The following ASB3 variants were observed in gnomAD, a reference collection of about 807,000 sequenced individuals.
ASB3 encodes ankyrin repeat and SOCS box protein 3.
Under a neutral mutation model 54.5 loss-of-function variants are expected in ASB3, and 41 were observed. The observed-to-expected ratio is 0.75, with a 90% CI of 0.59 to 0.98. The LOEUF (loss-of-function observed/expected upper bound fraction) is 0.98, where lower values mean the gene tolerates loss of function less well. Ranked by LOEUF, ASB3 falls within the 50% of genes least tolerant of loss-of-function variation. The pLI, the probability that ASB3 is intolerant of heterozygous loss-of-function variation, is 0.00. For missense variants in ASB3, 733 were observed against 620.0 expected (o/e 1.18, Z -1.94); for synonymous variants, 266 against 221.2 (o/e 1.20, Z -1.80).
intron 9 of ASB3, among the ~76,000 whole-genome samples, chr2:53,686,388 C>G (rs992874486): frequency 1.3e-5 from 2 of 152,196 alleles, no homozygotes; most frequent in East Asian, 1.9e-4. Flanking sequence ...CCAACACCCT[C>G]CTCAGAGCCA....
intron 1 of ASB3, among the ~76,000 whole-genome samples, chr2:53,781,764 G>A (rs1264833901): frequency 2.0e-5 from 3 of 151,846 alleles, no homozygotes; most frequent in African/African-American, 7.3e-5. Context: ...CAAAGTGCTG[G>A]GATTACAGGC....
At chr2:53,758,492 T>A in intron 2 of ASB3, among the ~76,000 whole-genome samples, 1 of 152,178 alleles carries the variant, frequency 6.6e-6, no homozygotes, top group African/African-American at 2.4e-5. Context: ...TGGGAACGCA[T>A]CTTGATGGGG....
intron 1 of ASB3, among the ~76,000 whole-genome samples, chr2:53,769,725 A>G (rs1673759787): frequency 6.6e-6 from 1 of 152,198 alleles, no homozygotes; most frequent in African/African-American, 2.4e-5. Context: ...GCACGCCAGT[A>G]GAGTCCCAGC....
chr2:53,754,175 G>T (rs1672686347), intron 2 of ASB3, among the ~76,000 whole-genome samples: 1 of 152,156 alleles, frequency 6.6e-6, no homozygotes, highest in African/African-American at 2.4e-5. Context: ...AAATTACATT[G>T]TATTGGATTG....
rs527873576 is a variant in ASB3, at chr2:53,716,818, A to G, written c.605-75T>C. The G allele has an allele frequency of 4.7e-6, 7 of 1,478,920 alleles. No individual in the cohort carries two copies. The East Asian group carries it at 7.0e-5, about 15-fold the overall frequency. The allele number at this position is 1,478,920 out of a possible 1,614,324, so 91.6% of individuals were successfully genotyped here. On this transcript the variant is annotated intron_variant, in intron 5 of 9. Coordinates refer to ENST00000263634, the MANE Select transcript of ASB3 (RefSeq NM_016115.5). ...AATCAACACAAATTTCAAAGGAACT[A>G]CCATAAAAGGGTTTCGTAGCACGGT...
rs763842126 is a variant in ASB3 at position 53,693,938 on chromosome 2, C to T, written c.1315G>A (p.Glu439Lys). ...GAGGCACGAGCAGAGAGCATCCTTT[C>T]AACAGCTGGTGCAAGTGTCTTCCAA... ...TNWKTLAPAVERMLSARASNA... is the reference protein window; with the variant it reads ...TNWKTLAPAVKRMLSARASNA... The change falls in exon 9 of 10, where the codon GAA becomes AAA. Residue 439 changes from glutamate to lysine, a missense_variant. Glu to Lys is a moderately conservative substitution (Grantham distance 56). Coordinates refer to ENST00000263634, the MANE Select transcript of ASB3 (RefSeq NM_016115.5). The T allele has an allele frequency of 2.4e-5, 39 of 1,613,526 alleles. No homozygotes were observed. Among genetic ancestry groups the T allele is most frequent in the Admixed American group, 1.7e-4 (10 of 59,970 alleles).
chr2:53,688,227 A>C (rs1668734015), intron 9 of ASB3, among the ~76,000 whole-genome samples: 1 of 152,200 alleles, frequency 6.6e-6, no homozygotes, highest in Non-Finnish European at 1.5e-5. Context: ...ATAAACCCGA[A>C]AAACCAGTGT....
chr2:53,707,126 T>C (rs1669823088), intron 7 of ASB3, among the ~76,000 whole-genome samples: 1 of 152,212 alleles, frequency 6.6e-6, no homozygotes, highest in African/African-American at 2.4e-5. Flanking sequence ...TCTGTGATGA[T>C]GTGCTATTCG....
chr2:53,748,649 TCAGA>T (rs1672355926), intron 3 of ASB3, among the ~76,000 whole-genome samples: 1 of 151,984 alleles, frequency 6.6e-6, no homozygotes, highest in Non-Finnish European at 1.5e-5. Context: ...GGAAGAAACA[TCAGA>T]CAAACCCAAA....
intron 3 of ASB3, among the ~76,000 whole-genome samples, chr2:53,735,150 C>A (rs1671550280): frequency 6.6e-6 from 1 of 152,038 alleles, no homozygotes; most frequent in South Asian, 2.1e-4. Context: ...AAACTCCTGA[C>A]CTCCAGTGAC....
intron 2 of ASB3, among the ~76,000 whole-genome samples, chr2:53,758,062 T>C (rs928366214): frequency 1.3e-5 from 2 of 152,044 alleles, no homozygotes; most frequent in Admixed American, 1.3e-4. Context: ...ATAGAAGTAG[T>C]AAAGAAAAAA....
rs772430568 is a variant in ASB3 at position 53,767,879 on chromosome 2, G to A, written c.-13-2294C>T. On this transcript the variant is annotated intron_variant, in intron 1 of 9. Coordinates refer to ENST00000263634, the MANE Select transcript of ASB3 (RefSeq NM_016115.5). Reference sequence around the variant, plus strand: ...TCACGGCCACTGGGGCAGAGGAGCCGCGAGAAGATGTGGGTTTTTGGTTAC... The same window carrying A: ...TCACGGCCACTGGGGCAGAGGAGCCACGAGAAGATGTGGGTTTTTGGTTAC... The A allele has an allele frequency of 8.1e-6, 13 of 1,603,970 alleles. No homozygotes were observed. In the Middle Eastern group the frequency reaches 5.0e-4, roughly 61 times the overall value.
intron 9 of ASB3, among the ~76,000 whole-genome samples, chr2:53,692,033 G>C (rs1668944501): frequency 6.6e-6 from 1 of 152,306 alleles, no homozygotes; most frequent in East Asian, 1.9e-4. Context: ...TAGTGTAGGA[G>C]GCTGTCTTGT....
At chr2:53,674,745 G>A (rs576189534) in intron 9 of ASB3, among the ~76,000 whole-genome samples, 10 of 152,010 alleles carry the variant, frequency 6.6e-5, no homozygotes, top group Admixed American at 2.0e-4. Flanking sequence ...TTAATATATT[G>A]TCTTTCTCGT....
intron 2 of ASB3, among the ~76,000 whole-genome samples, chr2:53,756,411 G>C (rs910827238): frequency 6.6e-6 from 1 of 152,194 alleles, no homozygotes; most frequent in East Asian, 1.9e-4. Flanking sequence ...CAATTTAGCA[G>C]TATCTATAAA....
intron 9 of ASB3, among the ~76,000 whole-genome samples, chr2:53,689,227 C>A (rs1668783885): frequency 6.6e-6 from 1 of 151,858 alleles, no homozygotes; most frequent in African/African-American, 2.4e-5. Context: ...GAGCTTCAAC[C>A]TTTAACCATT....
intron 1 of ASB3, chr2:53,767,956 T>C (rs1272411652): frequency 3.1e-6 from 5 of 1,614,028 alleles, no homozygotes; most frequent in South Asian, 1.1e-5. Flanking sequence ...GCTGGTCGGA[T>C]ACATCACCAA....
At chr2:53,721,264 C>T (rs1670691802) in intron 5 of ASB3, among the ~76,000 whole-genome samples, 1 of 151,638 alleles carries the variant, frequency 6.6e-6, no homozygotes, top group Non-Finnish European at 1.5e-5. Context: ...TAGAAATTAA[C>T]TTGCTCTTGG....
intron 1 of ASB3, among the ~76,000 whole-genome samples, chr2:53,781,264 T>C (rs1341301781): frequency 1.3e-5 from 2 of 151,710 alleles, no homozygotes; most frequent in African/African-American, 4.8e-5. Flanking sequence ...CAAAAAAAAT[T>C]AGCCAGGCGT....
Sources: gnomAD v4.1 joint callset for allele counts (sites outside exome capture counted in the v4.1 genomes callset) on GRCh38, gnomAD v4.1.1 for gene constraint, MANE v1.5 for transcripts, NCBI Gene and HGNC (gene_info 2026-07-23, HGNC 2026-07-21) for gene names.